The following GRID2 variants were observed in gnomAD, a reference collection of about 807,000 sequenced individuals.
The protein encoded by GRID2 is glutamate ionotropic receptor delta type subunit 2, also known as glutamate receptor ionotropic, delta-2.
In GRID2, 33 loss-of-function variants were observed where a neutral mutation model predicts 114.8. That is an observed-to-expected ratio of 0.29 (90% CI 0.22 to 0.38). GRID2 has a LOEUF of 0.38. GRID2 is among the 10% of genes least tolerant of loss of function. The probability of loss-of-function intolerance (pLI) is 1.00; values close to 1 mark genes in which losing one functional copy is unlikely to be tolerated. For synonymous variants in GRID2, 505 were observed against 449.9 expected (o/e 1.12, Z -1.55); for missense variants, 1,184 against 1,257.7 (o/e 0.94, Z 0.89).
intron 8 of GRID2, among the ~76,000 whole-genome samples, chr4:93,239,937 T>G (rs868338766): frequency 6.6e-6 from 1 of 151,654 alleles, no homozygotes; most frequent in South Asian, 2.1e-4. Flanking sequence ...GCTTCTTGTG[T>G]TCAACAGTGT....
chr4:92,788,869 A>G (rs527999224), intron 2 of GRID2, among the ~76,000 whole-genome samples: 28 of 151,816 alleles, frequency 1.8e-4, no homozygotes, highest in African/African-American at 6.0e-4. Flanking sequence ...CTTTTTGACA[A>G]TTATATGTTG....
chr4:93,486,316 C>A (rs936838039), intron 11 of GRID2, among the ~76,000 whole-genome samples: 2 of 151,504 alleles, frequency 1.3e-5, no homozygotes, highest in Admixed American at 1.3e-4. Context: ...TTGTTTCATT[C>A]TTTCCAATTC....
chr4:93,083,152 T>G (rs926578248), intron 2 of GRID2, among the ~76,000 whole-genome samples: 1 of 152,154 alleles, frequency 6.6e-6, no homozygotes, highest in African/African-American at 2.4e-5. Context: ...CTTTCTTATT[T>G]TGATTTTAAA....
chr4:92,751,215 C>T (rs1475194826), intron 2 of GRID2, among the ~76,000 whole-genome samples: 2 of 151,738 alleles, frequency 1.3e-5, no homozygotes, highest in South Asian at 2.1e-4. Context: ...TAGGTGGTAA[C>T]GATTTTTAAA....
chr4:93,501,163 T>C (rs912492012), intron 12 of GRID2, among the ~76,000 whole-genome samples: 65 of 152,114 alleles, frequency 4.3e-4, no homozygotes, highest in African/African-American at 1.5e-3. Flanking sequence ...CCATGACTTG[T>C]ATGTGTACCC....
chr4:92,436,006 G>A (rs190497254), intron 1 of GRID2, among the ~76,000 whole-genome samples: 32 of 152,216 alleles, frequency 2.1e-4, no homozygotes, highest in African/African-American at 7.0e-4. Context: ...CATGTGAGAA[G>A]ATAATAGCAG....
intron 2 of GRID2, among the ~76,000 whole-genome samples, chr4:92,667,754 A>AT (rs1182854467): frequency 2.0e-5 from 3 of 151,714 alleles, no homozygotes; most frequent in Non-Finnish European, 3.0e-5. Flanking sequence ...TGGAATAAAA[A>AT]TTTTTAATTC....
chr4:93,086,410 T>C (rs756723714), intron 3 of GRID2, among the ~76,000 whole-genome samples: 2 of 152,144 alleles, frequency 1.3e-5, no homozygotes, highest in Non-Finnish European at 2.9e-5. Context: ...ATCAATAGAA[T>C]TGAGAACAAA....
chr4:92,963,084 T>C (rs112394989), intron 2 of GRID2, among the ~76,000 whole-genome samples: 2,249 of 152,108 alleles, frequency 0.015, 20 homozygotes, highest in East Asian at 0.053. Context: ...TAATTTAAAA[T>C]ACTTCATTTC....
intron 1 of GRID2, among the ~76,000 whole-genome samples, chr4:92,480,688 C>G (rs372152709): frequency 6.6e-6 from 1 of 152,072 alleles, no homozygotes; most frequent in Admixed American, 6.6e-5. Flanking sequence ...GACTTGTGGT[C>G]GCTCAAGGCT....
intron 2 of GRID2, among the ~76,000 whole-genome samples, chr4:92,611,160 G>C (rs956072296): frequency 2.7e-5 from 4 of 150,556 alleles, no homozygotes; most frequent in African/African-American, 9.7e-5. Context: ...GTGTGTGTGT[G>C]TGTGTGTTTT....
In GRID2 at chr4:93,286,431, A is replaced by G. The variant is rs374292934; in HGVS notation, c.1245+47941A>G. On this transcript the variant is annotated intron_variant, in intron 8 of 15. Coordinates refer to ENST00000282020, the MANE Select transcript of GRID2 (RefSeq NM_001510.4). ...AATTCATCTTCTATTTATGGACTGA[A>G]TCTGCATTCTAGTTTTAAGAACTGC... 1.2e-3 allele frequency among the ~76,000 whole-genome samples: 179 copies of G among 152,246 alleles called. 3 individuals are homozygous for G. The highest frequency in any genetic ancestry group is 4.3e-3 in the African/African-American group (177 of 41,558).
intron 1 of GRID2, among the ~76,000 whole-genome samples, chr4:93,784,675 C>CAA (rs1554001972): frequency 0.019 from 2,785 of 150,254 alleles, 34 homozygotes; most frequent in Non-Finnish European, 0.027. Context: ...CACACACACA[C>CAA]CACGGTATCG....
intron 2 of GRID2, among the ~76,000 whole-genome samples, chr4:93,081,817 A>C (rs923015249): frequency 5.3e-5 from 8 of 152,214 alleles, no homozygotes; most frequent in African/African-American, 1.9e-4. Flanking sequence ...CTGACTATGC[A>C]TTCTATGAAA....
At chr4:93,571,680 G>T (rs990109199) in intron 13 of GRID2, among the ~76,000 whole-genome samples, 17 of 152,038 alleles carry the variant, frequency 1.1e-4, no homozygotes, top group African/African-American at 4.1e-4. Flanking sequence ...GGGAAGAAAA[G>T]TTTAAGTCAA....
At chr4:93,175,046 C>G (rs143401702) in intron 4 of GRID2, among the ~76,000 whole-genome samples, 1 of 152,162 alleles carries the variant, frequency 6.6e-6, no homozygotes. Context: ...AACTGCCATA[C>G]ACTTTTTCTT....
chr4:93,416,464 G>A (rs1002632234), intron 9 of GRID2, among the ~76,000 whole-genome samples: 1 of 151,940 alleles, frequency 6.6e-6, no homozygotes, highest in African/African-American at 2.4e-5. Flanking sequence ...ATGTCTTTGA[G>A]CTACATATGT....
intron 2 of GRID2, among the ~76,000 whole-genome samples, chr4:92,599,163 G>A (rs1163443151): frequency 2.6e-5 from 4 of 151,018 alleles, no homozygotes; most frequent in African/African-American, 9.7e-5. Context: ...GTTGCAACAT[G>A]TGTACTTAGG....
chr4:93,688,220 T>G (rs996896116), intron 14 of GRID2, among the ~76,000 whole-genome samples: 10 of 151,904 alleles, frequency 6.6e-5, no homozygotes, highest in African/African-American at 2.4e-4. Context: ...CAGTATTTTT[T>G]TTTCTTTCTC....
Sources: allele counts gnomAD v4.1 joint callset (sites outside exome capture counted in the v4.1 genomes callset), GRCh38; gene constraint gnomAD v4.1.1; transcripts MANE v1.5; gene names NCBI Gene and HGNC (gene_info 2026-07-23, HGNC 2026-07-21).